OR52K1: variants seen among roughly 807,000 people sequenced by gnomAD.
OR52K1 encodes the protein olfactory receptor 52K1.
A neutral mutation model predicts 8.7 loss-of-function variants in OR52K1; 10 were observed. The observed-to-expected ratio is 1.15, with a 90% CI of 0.71 to 1.95. The LOEUF (loss-of-function observed/expected upper bound fraction) is 1.95, where lower values mean the gene tolerates loss of function less well. Among genes scored for constraint, OR52K1 ranks in the 30% most tolerant of loss-of-function variants. OR52K1 has a pLI of 0.00. For synonymous variants in OR52K1, 203 were observed against 148.5 expected (o/e 1.37, Z -2.67); for missense variants, 431 against 397.2 (o/e 1.08, Z -0.72).
Position 4,489,376 on chromosome 11 carries a change from C to T in OR52K1, c.476C>T (p.Thr159Ile), listed in dbSNP as rs766321367. Residue 159 changes from threonine (T) to isoleucine (I), a missense_variant, in exon 2 of 2, where the codon ACT becomes ATT. Physicochemically the swap from Thr to Ile is moderately conservative, Grantham distance 89 (BLOSUM62 -1). Coordinates refer to ENST00000641528, the MANE Select transcript of OR52K1 (RefSeq NM_001005171.3). ...GTGGCCCGGGCTGTGACACTAATGA[C>T]TCCACTCCCCTTCCTGCTCAGACGC... ...AAVARAVTLM[T>I]PLPFLLRRFH... The T allele has an allele frequency of 6.2e-7, 1 of 1,614,180 alleles. No individual in the cohort carries two copies. Among genetic ancestry groups the T allele is most frequent in the South Asian group, 1.1e-5 (1 of 91,082 alleles).
rs776403798 is a variant in OR52K1 at position 4,489,033 on chromosome 11, T to A, written c.133T>A (p.Cys45Ser). ...TTATACTCTGGCCCTGCTAGGCAACTGTACCCTTCTCTTCATTATCCAGGC... is the reference window on the plus strand; with the variant it reads ...TTATACTCTGGCCCTGCTAGGCAACAGTACCCTTCTCTTCATTATCCAGGC... ...FAYTLALLGN[C>S]TLLFIIQADA... Residue 45 changes from cysteine (C) to serine (S), a missense_variant, in exon 2 of 2, where the codon TGT becomes AGT. Transcript: ENST00000641528. The A allele has an allele frequency of 1.2e-6, 2 of 1,614,156 alleles. No individual in the cohort carries two copies.
At chr11:4,483,288 G>T in intron 1 of OR52K1, 112 bp downstream of exon 1, 1 of 397,518 alleles carries the variant, frequency 2.5e-6, no homozygotes, top group Admixed American at 4.4e-5. Flanking sequence ...ATGTCATTCT[G>T]ATATCCTTTT....
rs775754929 is a variant in OR52K1 at position 4,489,298 on chromosome 11, A to T, written c.398A>T (p.His133Leu). The change falls in exon 2 of 2, where the codon CAC becomes CTC. Residue 133 changes from histidine to leucine, a missense_variant. His to Leu is a moderately conservative substitution (Grantham distance 99). Transcript: ENST00000641528. ...DRYVAICKPL[H>L]YTTVLTGSLI... Reference sequence around the variant, plus strand: ...TATGTGGCCATCTGCAAGCCATTGCACTACACGACGGTCCTGACTGGGTCC... The same window carrying T: ...TATGTGGCCATCTGCAAGCCATTGCTCTACACGACGGTCCTGACTGGGTCC... 5.2e-5 allele frequency: 84 copies of T among 1,613,932 alleles called. No individual in the cohort carries two copies. The highest frequency in any genetic ancestry group is 6.6e-5 in the Non-Finnish European group (78 of 1,180,020).
rs901980446 is a variant in OR52K1, at chr11:4,490,397, A to G, written c.*552A>G. On this transcript the variant is annotated 3_prime_UTR_variant, in exon 2 of 2. Transcript: ENST00000641528. ...TAGATCTATTTCTTCCATTAAGTCAATTCCTCTTTTACTTCCTTCCTGATA... is the reference window on the plus strand; with the variant it reads ...TAGATCTATTTCTTCCATTAAGTCAGTTCCTCTTTTACTTCCTTCCTGATA... 2 of 153,204 alleles carry G rather than the reference A, an allele frequency of 1.3e-5. No individual in the cohort carries two copies. Among genetic ancestry groups the G allele is most frequent in the African/African-American group, 4.8e-5 (2 of 41,442 alleles). 9.5% of individuals were successfully genotyped at this position (153,204 alleles called of 1,614,324 possible). A position where few individuals can be genotyped will look rare whatever the true frequency, so the allele number is the denominator to read the frequency against.
At position 4,491,497 on chromosome 11, in the gene OR52K1, G is replaced by A. The variant is rs182841639; in HGVS notation, c.*1652G>A. 9.2e-5 allele frequency: 14 copies of A among 152,126 alleles called. No homozygotes were observed. The highest frequency in any genetic ancestry group is 9.2e-4 in the Admixed American group (14 of 15,268). 9.4% of individuals were successfully genotyped at this position (152,126 alleles called of 1,614,324 possible). ...AACATGTATGTGTACATTCACTGCA[G>A]CACTATTCACAATAGCAAAGACACG... On this transcript the variant is annotated 3_prime_UTR_variant, in exon 2 of 2. Transcript: ENST00000641528.
At chr11:4,488,103 CA>C (rs1377126749) in intron 1 of OR52K1, among the ~76,000 whole-genome samples, 1 of 151,848 alleles carries the variant, frequency 6.6e-6, no homozygotes, top group Non-Finnish European at 1.5e-5. Flanking sequence ...AGTGGAGAAC[CA>C]AAAAAGGACG....
At chr11:4,483,568 T>C (rs557185198) in intron 1 of OR52K1, among the ~76,000 whole-genome samples, 2 of 152,308 alleles carry the variant, frequency 1.3e-5, no homozygotes, top group East Asian at 3.9e-4. Context: ...GGAAGTAAGA[T>C]TTATGAACTA....
At chr11:4,484,739 G>A (rs1026465711) in intron 1 of OR52K1, among the ~76,000 whole-genome samples, 19 of 151,272 alleles carry the variant, frequency 1.3e-4, no homozygotes, top group Non-Finnish European at 2.7e-4. Context: ...TTCAGGAGCA[G>A]TATTCTCTTT....
In OR52K1 at chr11:4,484,766, A is replaced by G. The variant is rs80274830; in HGVS notation, c.-329+1590A>G. Among the ~76,000 whole-genome samples the G allele has an allele frequency of 3.2e-3, 482 of 151,504 alleles. 6 individuals carry two copies. Among genetic ancestry groups the G allele is most frequent in the African/African-American group, 0.011 (439 of 41,232 alleles). On this transcript the variant is annotated intron_variant, in intron 1 of 1. Coordinates refer to ENST00000641528, the MANE Select transcript of OR52K1 (RefSeq NM_001005171.3). ...ATTCTCTTTCTTCGTCTAAGTTTCA[A>G]CTTTTCCCCTACTACTGGATAATTT...
In OR52K1 at chr11:4,489,068, C is replaced by A. The variant is rs1390847084; in HGVS notation, c.168C>A (p.Ala56=). 1.2e-6 allele frequency: 2 copies of A among 1,614,180 alleles called. No homozygotes were observed. The highest frequency in any genetic ancestry group is 1.7e-6 in the Non-Finnish European group (2 of 1,180,002). ...TCTTCATTATCCAGGCTGATGCAGC[C>A]CTCCATGAACCCATGTACCTCTTTC... The part of the protein sequence containing the change: ...TLLFIIQADA[A]LHEPMYLFLA... The change falls in exon 2 of 2, where the codon GCC becomes GCA. Residue 56 remains alanine, a synonymous_variant. Coordinates refer to ENST00000641528, the MANE Select transcript of OR52K1 (RefSeq NM_001005171.3).
intron 1 of OR52K1, among the ~76,000 whole-genome samples, chr11:4,485,759 A>T (rs1846316412): frequency 6.6e-6 from 1 of 152,128 alleles, no homozygotes. Context: ...TAAAAGTATA[A>T]GTCACATACA....
rs1209386543 is a variant in OR52K1, at chr11:4,483,127, T to C, written c.-378T>C. The C allele has an allele frequency of 5.0e-6, 2 of 398,464 alleles. No individual in the cohort carries two copies. The highest frequency in any genetic ancestry group is 8.8e-6 in the Non-Finnish European group (2 of 226,042). 24.7% of individuals were successfully genotyped at this position (398,464 alleles called of 1,614,324 possible). A position where few individuals can be genotyped will look rare whatever the true frequency, so the allele number is the denominator to read the frequency against. ...CATCCCAGTTAAAGGGCTTCTGCAT[T>C]AGTCAAGAGGAAGAAAACGAGGCCT... On this transcript the variant is annotated 5_prime_UTR_variant, in exon 1 of 2. Transcript: ENST00000641528.
rs1313317855 is a variant in OR52K1, at chr11:4,490,999, GT to G, written c.*1155del. Reference sequence around the variant, plus strand: ...ATAGCAAGCGATACCATCTAGGTTTGTGTAAATACACTCTATGATGTTCACA... The same window carrying G: ...ATAGCAAGCGATACCATCTAGGTTTGGTAAATACACTCTATGATGTTCACA... On this transcript the variant is annotated 3_prime_UTR_variant, in exon 2 of 2. Transcript: ENST00000641528. The G allele has an allele frequency of 6.6e-6, 1 of 152,168 alleles. No homozygotes were observed. The highest frequency in any genetic ancestry group is 1.5e-5 in the Non-Finnish European group (1 of 68,032). The allele number at this position is 152,168 out of a possible 1,614,324, so 9.4% of individuals were successfully genotyped here.
rs375481739 is a variant in OR52K1 at position 4,489,306 on chromosome 11, A to T, written c.406A>T (p.Thr136Ser). The change falls in exon 2 of 2, where the codon ACG (threonine) becomes TCG (serine). Residue 136 changes from threonine (T) to serine (S), a missense_variant. Thr to Ser is a moderately conservative substitution (Grantham distance 58). Coordinates refer to ENST00000641528, the MANE Select transcript of OR52K1 (RefSeq NM_001005171.3). ...CATCTGCAAGCCATTGCACTACACGACGGTCCTGACTGGGTCCCTCATCAC... is the reference window on the plus strand; with the variant it reads ...CATCTGCAAGCCATTGCACTACACGTCGGTCCTGACTGGGTCCCTCATCAC... ...VAICKPLHYTTVLTGSLITKI... is the reference protein window; with the variant it reads ...VAICKPLHYTSVLTGSLITKI... The T allele has an allele frequency of 1.7e-5, 28 of 1,613,964 alleles. No individual in the cohort carries two copies. The highest frequency in any genetic ancestry group is 2.7e-5 in the African/African-American group (2 of 74,858).
chr11:4,483,392 C>T (rs980225095), intron 1 of OR52K1, among the ~76,000 whole-genome samples: 6 of 152,168 alleles, frequency 3.9e-5, no homozygotes, highest in Admixed American at 2.0e-4. Flanking sequence ...AAGATAAATC[C>T]TTTGAGCATG....
At position 4,489,317 on chromosome 11, in the gene OR52K1, T is replaced by C. The variant is rs201879394; in HGVS notation, c.417T>C (p.Thr139=). 1 of 1,614,230 alleles carries C rather than the reference T, an allele frequency of 6.2e-7. No homozygotes were observed. Among genetic ancestry groups the C allele is most frequent in the East Asian group, 2.2e-5 (1 of 44,880 alleles). The change falls in exon 2 of 2, where the codon ACT becomes ACC. Residue 139 remains threonine, a synonymous_variant. Transcript: ENST00000641528. ...CKPLHYTTVL[T]GSLITKIGMA... ...CATTGCACTACACGACGGTCCTGACTGGGTCCCTCATCACCAAGATTGGCA... is the reference window on the plus strand; with the variant it reads ...CATTGCACTACACGACGGTCCTGACCGGGTCCCTCATCACCAAGATTGGCA...
Position 4,492,832 on chromosome 11 carries a change from A to G in OR52K1, c.*2987A>G. The G allele has an allele frequency of 5.5e-6, 1 of 182,592 alleles. No homozygotes were observed. The highest frequency in any genetic ancestry group is 1.1e-5 in the Non-Finnish European group (1 of 92,002). 11.3% of individuals were successfully genotyped at this position (182,592 alleles called of 1,614,324 possible). A position where few individuals can be genotyped will look rare whatever the true frequency, so the allele number is the denominator to read the frequency against. On this transcript the variant is annotated 3_prime_UTR_variant, in exon 2 of 2. Transcript: ENST00000641528. The stretch of plus-strand genomic sequence containing the variant: ...AATAAAGACAAAAGATAAAGAGAAG[A>G]AAAGACAGCTGGGCCTGGGGGACCA...
rs550696140 is a variant in OR52K1, at chr11:4,490,752, G to C, written c.*907G>C. 2.6e-5 allele frequency: 4 copies of C among 152,140 alleles called. No homozygotes were observed. Among genetic ancestry groups the C allele is most frequent in the Non-Finnish European group, 5.9e-5 (4 of 68,016 alleles). 9.4% of individuals were successfully genotyped at this position (152,140 alleles called of 1,614,324 possible). A position where few individuals can be genotyped will look rare whatever the true frequency, so the allele number is the denominator to read the frequency against. The stretch of plus-strand genomic sequence containing the variant: ...AACATTATAGTACCGTATATTTACT[G>C]TATGTTTTTTAACTTTTAAGTTACA... On this transcript the variant is annotated 3_prime_UTR_variant, in exon 2 of 2. Coordinates refer to ENST00000641528, the MANE Select transcript of OR52K1 (RefSeq NM_001005171.3).
chr11:4,490,669 C>T lies in OR52K1; in HGVS notation c.*824C>T, dbSNP rs1047884597. ...AAAATAAGAAAATACAATACTGTCACACACTGCATAATGAAGTTTTGGTCA... is the reference window on the plus strand; with the variant it reads ...AAAATAAGAAAATACAATACTGTCATACACTGCATAATGAAGTTTTGGTCA... On this transcript the variant is annotated 3_prime_UTR_variant, in exon 2 of 2. Transcript: ENST00000641528. 2.6e-5 allele frequency: 4 copies of T among 152,194 alleles called. No homozygotes were observed. The highest frequency in any genetic ancestry group is 7.2e-5 in the African/African-American group (3 of 41,442). 9.4% of individuals were successfully genotyped at this position (152,194 alleles called of 1,614,324 possible). A position where few individuals can be genotyped will look rare whatever the true frequency, so the allele number is the denominator to read the frequency against.
Sources: allele counts gnomAD v4.1 joint callset (sites outside exome capture counted in the v4.1 genomes callset), GRCh38; gene constraint gnomAD v4.1.1; transcripts MANE v1.5; gene names NCBI Gene and HGNC (gene_info 2026-07-23, HGNC 2026-07-21).